Variants in COX16 observed in about 807,000 individuals in gnomAD.
The protein encoded by COX16 is cytochrome c oxidase assembly factor COX16.
Under a neutral mutation model 15.4 loss-of-function variants are expected in COX16, and 12 were observed. The observed-to-expected ratio is 0.78, with a 90% CI of 0.50 to 1.26. The LOEUF (loss-of-function observed/expected upper bound fraction) is 1.26, where lower values mean the gene tolerates loss of function less well. Ranked by LOEUF, COX16 falls within the 50% of genes most tolerant of loss-of-function variation. The pLI, the probability that COX16 is intolerant of heterozygous loss-of-function variation, is 0.00. For missense variants in COX16, 124 were observed against 127.6 expected, an observed-to-expected ratio of 0.97 and a Z score of 0.14; for synonymous variants, 46 against 41.1, an observed-to-expected ratio of 1.12 and a Z score of -0.46.
At chr14:70,335,337 T>C (rs1381305737) in intron 2 of COX16, among the ~76,000 whole-genome samples, 1 of 152,152 alleles carries the variant, frequency 6.6e-6, no homozygotes, top group Non-Finnish European at 1.5e-5. Context: ...AACTCTACCC[T>C]AGACCAAATG....
chr14:70,359,311 A>G (rs1887225361), intron 1 of COX16: 1 of 650,188 alleles, frequency 1.5e-6, no homozygotes, highest in Non-Finnish European at 2.8e-6. Context: ...CTGAAATCCA[A>G]CCGGGAGTGG....
chr14:70,328,071 G>GTTTTTTTT (rs1594905215), intron 3 of COX16: 1 of 59,074 alleles, frequency 1.7e-5, no homozygotes, highest in Non-Finnish European at 3.2e-5. Context: ...CTGAGAATAA[G>GTTTTTTTT]ATTTTTTTTT....
chr14:70,345,727 A>C (rs1226568859), intron 1 of COX16, among the ~76,000 whole-genome samples: 1 of 152,128 alleles, frequency 6.6e-6, no homozygotes, highest in Non-Finnish European at 1.5e-5. Context: ...CTCAGTTCAC[A>C]ACCCAACCTC....
chr14:70,351,303 C>G (rs892764399), intron 1 of COX16, among the ~76,000 whole-genome samples: 1 of 152,110 alleles, frequency 6.6e-6, no homozygotes, highest in Non-Finnish European at 1.5e-5. Context: ...ATGCATCGTG[C>G]TTACCATCTT....
intron 1 of COX16, among the ~76,000 whole-genome samples, chr14:70,357,187 A>AAAAAAAAAAAAAAAAAAAAATAAAAAAC (rs1887155294): frequency 6.7e-6 from 1 of 149,852 alleles, no homozygotes; most frequent in African/African-American, 2.5e-5. Flanking sequence ...AAAAAAAAAA[A>AAAAAAAAAAAAAAAAAAAAATAAAAAAC]AAAATTCAGA....
At chr14:70,350,734 TAAG>T (rs1469378818) in intron 1 of COX16, among the ~76,000 whole-genome samples, 2 of 152,220 alleles carry the variant, frequency 1.3e-5, no homozygotes, top group African/African-American at 2.4e-5. Context: ...TTTCCCCTAA[TAAG>T]AAATATAATT....
intron 1 of COX16, among the ~76,000 whole-genome samples, chr14:70,357,175 A>C (rs1438538398): frequency 8.8e-5 from 13 of 147,324 alleles, no homozygotes; most frequent in Non-Finnish European, 1.3e-4. Context: ...AAAAAAAAAA[A>C]AAAAAAAAAA....
intron 1 of COX16, among the ~76,000 whole-genome samples, chr14:70,346,329 G>A (rs1173180423): frequency 1.3e-5 from 2 of 152,176 alleles, no homozygotes; most frequent in African/African-American, 4.8e-5. Context: ...CGCCATCAGG[G>A]GCCCTGCAGG....
At chr14:70,353,197 G>A (rs932475213) in intron 1 of COX16, among the ~76,000 whole-genome samples, 15 of 148,128 alleles carry the variant, frequency 1.0e-4, no homozygotes, top group African/African-American at 3.7e-4. Context: ...GGAGGTGGAG[G>A]TTGCAGTGAG....
intron 2 of COX16, among the ~76,000 whole-genome samples, chr14:70,334,811 C>T (rs1886399679): frequency 1.3e-5 from 2 of 152,104 alleles, no homozygotes. Context: ...AGTTACACAA[C>T]TAGAAAACAA....
chr14:70,334,839 G>A (rs1594911536), intron 2 of COX16, among the ~76,000 whole-genome samples: 1 of 152,158 alleles, frequency 6.6e-6, no homozygotes, highest in Admixed American at 6.5e-5. Context: ...AATGGCAGTA[G>A]TAAGGCCTTA....
chr14:70,343,529 T>A (rs1292011375), intron 1 of COX16, among the ~76,000 whole-genome samples: 2 of 152,166 alleles, frequency 1.3e-5, no homozygotes, highest in African/African-American at 4.8e-5. Context: ...GCAATTGGAG[T>A]TCTCATTACC....
intron 2 of COX16, among the ~76,000 whole-genome samples, chr14:70,340,955 A>AT (rs1465514663): frequency 1.3e-5 from 2 of 152,128 alleles, no homozygotes; most frequent in Non-Finnish European, 2.9e-5. Flanking sequence ...GTCTGGGTAC[A>AT]TTTTTTTAAT....
chr14:70,353,519 TA>T (rs1887033813), intron 1 of COX16, among the ~76,000 whole-genome samples: 1 of 149,864 alleles, frequency 6.7e-6, no homozygotes, highest in Admixed American at 6.8e-5. Context: ...GATATACACA[TA>T]TTTTTTTGTG....
chr14:70,342,922 C>T (rs563491277), intron 1 of COX16, among the ~76,000 whole-genome samples, 193 bp from the exon 2 acceptor site: 2 of 152,230 alleles, frequency 1.3e-5, no homozygotes, highest in East Asian at 3.9e-4. Flanking sequence ...CATTATAGCA[C>T]ATCATTACCA....
chr14:70,328,456 G>C (rs1247655712), intron 3 of COX16, among the ~76,000 whole-genome samples: 2 of 152,032 alleles, frequency 1.3e-5, no homozygotes, highest in Non-Finnish European at 2.9e-5. Flanking sequence ...TCAAAAAAAT[G>C]ACAAACTCAA....
intron 2 of COX16, among the ~76,000 whole-genome samples, chr14:70,340,742 C>T (rs975170247): frequency 2.0e-5 from 3 of 152,200 alleles, no homozygotes; most frequent in African/African-American, 7.2e-5. Flanking sequence ...AAATGAAACA[C>T]TGACCATGTG....
chr14:70,326,526 ATGAAT>A (rs1566594781), intron 3 of COX16, 77 bp from the exon 4 acceptor site: 1 of 1,081,592 alleles, frequency 9.2e-7, no homozygotes, highest in Admixed American at 3.1e-5. Flanking sequence ...AACTAACTCA[ATGAAT>A]AAATGAGTAG....
intron 2 of COX16, among the ~76,000 whole-genome samples, chr14:70,336,123 G>A (rs551202850): frequency 1.3e-5 from 2 of 152,266 alleles, no homozygotes; most frequent in African/African-American, 4.8e-5. Context: ...GGGCGTGGTA[G>A]CATGCACCTG....
Sources: allele counts gnomAD v4.1 joint callset (sites outside exome capture counted in the v4.1 genomes callset), GRCh38; gene constraint gnomAD v4.1.1; transcripts MANE v1.5; gene names NCBI Gene and HGNC (gene_info 2026-07-23, HGNC 2026-07-21).